SASH1: variants seen among roughly 807,000 people sequenced by gnomAD.
The protein encoded by SASH1 is SAM and SH3 domain containing 1, also known as SAM and SH3 domain-containing protein 1.
SASH1 carries 44 observed loss-of-function variants against 125.2 expected under a neutral mutation model. That is an observed-to-expected ratio of 0.35 (90% confidence interval 0.28 to 0.45). The LOEUF (loss-of-function observed/expected upper bound fraction) is 0.45, where lower values mean the gene tolerates loss of function less well. Ranked by LOEUF, SASH1 falls within the 20% of genes least tolerant of loss-of-function variation. The pLI, the probability that SASH1 is intolerant of heterozygous loss-of-function variation, is 1.00. For synonymous variants in SASH1, 639 were observed against 649.1 expected (o/e 0.98, Z 0.24); for missense variants, 1,426 against 1,614.5 (o/e 0.88, Z 2.00).
intron 1 of SASH1, among the ~76,000 whole-genome samples, chr6:148,280,028 A>G (rs968091856): frequency 1.8e-4 from 14 of 77,642 alleles, no homozygotes; most frequent in Non-Finnish European, 2.4e-4. Flanking sequence ...CCCCCCTCCG[A>G]CATTCCCCCC....
rs979169567 is a variant in SASH1, at chr6:148,327,370, C to T, written n.74+54993C>T. ...CACGATCTCGGCTCACTGCAACCTC[C>T]GCCTCCGAGGTTCAAGGAATTCTCC... On this transcript the variant is annotated intron_variant and non_coding_transcript_variant, in intron 1 of 3. Transcript: ENST00000367469. Among the ~76,000 whole-genome samples the T allele has an allele frequency of 5.9e-5, 9 of 151,538 alleles. No individual in the cohort carries two copies. In the South Asian group the frequency reaches 6.3e-4, roughly 11 times the overall value.
chr6:148,389,821 T>A (rs1445635826), intron 1 of SASH1, among the ~76,000 whole-genome samples: 1 of 152,218 alleles, frequency 6.6e-6, no homozygotes, highest in Non-Finnish European at 1.5e-5. Flanking sequence ...GATTGAAGAC[T>A]TTGGTGTTGG....
At chr6:148,447,448 G>T (rs150143306) in intron 4 of SASH1, among the ~76,000 whole-genome samples, 1 of 152,266 alleles carries the variant, frequency 6.6e-6, no homozygotes, top group African/African-American at 2.4e-5. Context: ...GATAATGTCA[G>T]CTTTCCTTTT....
At chr6:148,341,674 A>T (rs890874338), upstream of SASH1, among the ~76,000 whole-genome samples, 2 of 152,200 alleles carry the variant, frequency 1.3e-5, no homozygotes, top group African/African-American at 2.4e-5. Context: ...AAACAAAACA[A>T]AACAAAACAA....
At chr6:148,421,306 A>G (rs980345859) in intron 2 of SASH1, among the ~76,000 whole-genome samples, 1 of 151,938 alleles carries the variant, frequency 6.6e-6, no homozygotes, top group African/African-American at 2.4e-5. Flanking sequence ...AATTATTTTT[A>G]TTTATTATTT....
At chr6:148,466,890 C>G (rs1777861020) in intron 4 of SASH1, among the ~76,000 whole-genome samples, 1 of 152,042 alleles carries the variant, frequency 6.6e-6, no homozygotes, top group South Asian at 2.1e-4. Context: ...CAAAAATCAC[C>G]TCTTCCATCT....
Position 148,387,905 on chromosome 6 carries a change from ATTTTTTT to A in SASH1, c.157-2208_157-2202del, listed in dbSNP as rs71004291. Reference sequence around the variant, plus strand: ...AGGTGCCCACTAATGCGCCCTGCTAATTTTTTTTTTTTTTTTTTTTTTTTTTTGAGAC... The same window carrying A: ...AGGTGCCCACTAATGCGCCCTGCTAATTTTTTTTTTTTTTTTTTTTGAGAC... On this transcript the variant is annotated intron_variant, in intron 1 of 19. Transcript: ENST00000367467. 5.4e-4 allele frequency among the ~76,000 whole-genome samples: 29 copies of A among 54,020 alleles called. 1 individual carries two copies. Among genetic ancestry groups the A allele is most frequent in the East Asian group, 3.1e-3 (6 of 1,940 alleles). 35.4% of individuals were successfully genotyped at this position (54,020 alleles called of 152,430 possible). A position where few individuals can be genotyped will look rare whatever the true frequency, so the allele number is the denominator to read the frequency against.
Position 148,404,772 on chromosome 6 carries a change from G to A in SASH1, c.285+14510G>A, listed in dbSNP as rs377130932. On this transcript the variant is annotated intron_variant, in intron 2 of 19. Coordinates refer to ENST00000367467, the MANE Select transcript of SASH1 (RefSeq NM_015278.5). ...CCAGCCCGTGCCCCACCCCAGCCTC[G>A]CCCTCATCCCAGTCCCCAGTCCCCC... is the stretch of plus-strand genomic sequence containing the variant. 1.3e-4 allele frequency among the ~76,000 whole-genome samples: 9 copies of A among 68,142 alleles called. No individual in the cohort carries two copies. In the East Asian group the frequency reaches 3.4e-3, roughly 26 times the overall value. The allele number at this position is 68,142 out of a possible 152,430, so 44.7% of individuals were successfully genotyped here.
At chr6:148,433,334 T>C (rs1776139073) in intron 2 of SASH1, among the ~76,000 whole-genome samples, 1 of 151,748 alleles carries the variant, frequency 6.6e-6, no homozygotes, top group Admixed American at 6.6e-5. Context: ...TTTTAACACA[T>C]CAAGAAAATA....
chr6:148,403,438 A>G (rs2114877393), intron 2 of SASH1, among the ~76,000 whole-genome samples: 1 of 147,216 alleles, frequency 6.8e-6, no homozygotes, highest in South Asian at 2.3e-4. Flanking sequence ...TACAACATAC[A>G]TTCATTGTAA....
At chr6:148,467,197 A>G (rs1441166125) in intron 4 of SASH1, among the ~76,000 whole-genome samples, 3 of 143,482 alleles carry the variant, frequency 2.1e-5, no homozygotes, top group African/African-American at 7.7e-5. Context: ...CCCAGATTCA[A>G]GCAATTCTCC....
chr6:148,294,290 G>A (rs1779708555), intron 1 of SASH1, among the ~76,000 whole-genome samples: 1 of 152,240 alleles, frequency 6.6e-6, no homozygotes, highest in South Asian at 2.1e-4. Context: ...AGGATCAGCG[G>A]TTGAAATGGA....
chr6:148,343,003 C>G lies in SASH1; in HGVS notation c.-65C>G. On this transcript the variant is annotated 5_prime_UTR_variant, in exon 1 of 20. Transcript: ENST00000367467. ...GGGGACCCGGCATCCGGGCAGGCTG[C>G]GCGCGGGTGCGGGGCGAGGGCGCCG... The G allele has an allele frequency of 9.1e-7, 1 of 1,095,846 alleles. No homozygotes were observed. 67.9% of individuals were successfully genotyped at this position (1,095,846 alleles called of 1,614,324 possible).
At chr6:148,454,878 T>A (rs754525600) in intron 4 of SASH1, among the ~76,000 whole-genome samples, 2 of 152,240 alleles carry the variant, frequency 1.3e-5, no homozygotes, top group Non-Finnish European at 2.9e-5. Flanking sequence ...GTCTCCTTCA[T>A]GTCAGGAATG....
At chr6:148,477,444 A>G (rs1328009076) in intron 7 of SASH1, among the ~76,000 whole-genome samples, 1 of 152,228 alleles carries the variant, frequency 6.6e-6, no homozygotes, top group African/African-American at 2.4e-5. Flanking sequence ...ACAAAGGGAA[A>G]ACAGACATGT....
In SASH1 at chr6:148,433,783, T is replaced by C. The variant is rs138858588; in HGVS notation, c.286-6401T>C. 3.3e-3 allele frequency among the ~76,000 whole-genome samples: 508 copies of C among 152,278 alleles called. 5 individuals are homozygous for C. The highest frequency in any genetic ancestry group is 0.012 in the African/African-American group (483 of 41,558). On this transcript the variant is annotated intron_variant, in intron 2 of 19. Coordinates refer to ENST00000367467, the MANE Select transcript of SASH1 (RefSeq NM_015278.5). ...GGAGGGTTTCTTTAAGAGTTTGTAA[T>C]GTTAATGAGATTTGTCATTCTTAAA...
chr6:148,547,517 AG>A (rs1304651934), intron 19 of SASH1, among the ~76,000 whole-genome samples: 7 of 152,208 alleles, frequency 4.6e-5, no homozygotes, highest in African/African-American at 1.7e-4. Context: ...GTATTCTAGT[AG>A]GTCAGTGTAC....
chr6:148,287,922 C>T (rs1440572222), intron 1 of SASH1, among the ~76,000 whole-genome samples: 7 of 152,192 alleles, frequency 4.6e-5, no homozygotes, highest in Non-Finnish European at 1.0e-4. Context: ...ATGGAACTAA[C>T]CTTTAGTCCT....
intron 2 of SASH1, among the ~76,000 whole-genome samples, chr6:148,394,605 A>T (rs1167322927): frequency 6.6e-6 from 1 of 151,850 alleles, no homozygotes; most frequent in African/African-American, 2.4e-5. Flanking sequence ...CAGCTTAATA[A>T]TTTTTTTCTT....
Sources: gnomAD v4.1 joint callset for allele counts (sites outside exome capture counted in the v4.1 genomes callset) on GRCh38, gnomAD v4.1.1 for gene constraint, MANE v1.5 for transcripts, NCBI Gene and HGNC (gene_info 2026-07-23, HGNC 2026-07-21) for gene names.